The following PCDHGA5 variants were observed in gnomAD, a reference collection of about 807,000 sequenced individuals.
PCDHGA5 encodes the protein protocadherin gamma-A5.
In PCDHGA5, 36 loss-of-function variants were observed where a neutral mutation model predicts 56.7. That is an observed-to-expected ratio of 0.64 (90% CI 0.49 to 0.84). The LOEUF is 0.84. Among genes scored for constraint, PCDHGA5 ranks in the 40% least tolerant of loss-of-function variants. The probability of loss-of-function intolerance (pLI) is 0.00; values close to 1 mark genes in which losing one functional copy is unlikely to be tolerated. For synonymous variants in PCDHGA5, 563 were observed against 520.2 expected (o/e 1.08, Z -1.12); for missense variants, 1,305 against 1,201.5 (o/e 1.09, Z -1.27).
At chr5:141,403,334 G>T (rs2094392979) in intron 1 of PCDHGA5, 2 of 1,613,972 alleles carry the variant, frequency 1.2e-6, no homozygotes, top group Non-Finnish European at 1.7e-6. Flanking sequence ...TGATATTAAC[G>T]ACAGCGCCCC....
rs57426385 is a variant in PCDHGA5, at chr5:141,415,740, G to GTTTTTTTTTTTT, written c.2421+49010_2421+49021dup. 137 of 625,016 alleles carry GTTTTTTTTTTTT rather than the reference G, an allele frequency of 2.2e-4. 2 individuals carry two copies. The highest frequency in any genetic ancestry group is 3.5e-4 in the Admixed American group (5 of 14,120). The allele number at this position is 625,016 out of a possible 1,614,324, so 38.7% of individuals were successfully genotyped here. On this transcript the variant is annotated intron_variant, in intron 1 of 3. Coordinates refer to ENST00000518069, the MANE Select transcript of PCDHGA5 (RefSeq NM_018918.3). ...TGAGTAGAATTTGATGTTTATTAAG[G>GTTTTTTTTTTTT]TTTTTTTTTTTTTTTTTTTTTTTTT... is the stretch of plus-strand genomic sequence containing the variant.
intron 1 of PCDHGA5, chr5:141,370,765 A>G: frequency 1.2e-6 from 2 of 1,614,018 alleles, no homozygotes; most frequent in South Asian, 1.1e-5. Flanking sequence ...GTGCTGATCC[A>G]GGATATTAAC....
At chr5:141,376,845 C>A (rs993126177) in intron 1 of PCDHGA5, 21 of 242,440 alleles carry the variant, frequency 8.7e-5, no homozygotes, top group Admixed American at 3.1e-4. Context: ...CGCCACCGCG[C>A]CCGGCTAATT....
intron 1 of PCDHGA5, chr5:141,388,970 A>G (rs1561622326): frequency 6.2e-7 from 1 of 1,613,928 alleles, no homozygotes; most frequent in East Asian, 2.2e-5. Flanking sequence ...AGCTGGGAAC[A>G]CATATTGCTT....
rs774649069 is a variant in PCDHGA5 at position 141,477,417 on chromosome 5, C to G, written c.2422-17390C>G. The G allele has an allele frequency of 1.2e-6, 2 of 1,614,172 alleles. No individual in the cohort carries two copies. The highest frequency in any genetic ancestry group is 2.7e-5 in the African/African-American group (2 of 75,032). On this transcript the variant is annotated intron_variant, in intron 1 of 3. Coordinates refer to ENST00000518069, the MANE Select transcript of PCDHGA5 (RefSeq NM_018918.3). The surrounding 1 kb of genome is among the most constrained non-coding windows in gnomAD (Gnocchi z 4.9). Reference sequence around the variant, plus strand: ...AGCATCACCGCCCGAGACGCCGGAACCCCTTCCCTCTCAGCCCTTACAATA... The same window carrying G: ...AGCATCACCGCCCGAGACGCCGGAAGCCCTTCCCTCTCAGCCCTTACAATA...
chr5:141,414,752 A>G (rs1339630983), intron 1 of PCDHGA5: 9 of 1,614,110 alleles, frequency 5.6e-6, no homozygotes, highest in Non-Finnish European at 7.6e-6. Flanking sequence ...TCCTTCGACT[A>G]TGAGCAGTTT....
chr5:141,384,492 AG>A (rs746302959), intron 1 of PCDHGA5: 2 of 1,614,164 alleles, frequency 1.2e-6, no homozygotes, highest in East Asian at 4.5e-5. Context: ...TACAACTAAG[AG>A]TGACTGCACA....
At chr5:141,448,707 G>A (rs1455790773) in intron 1 of PCDHGA5, among the ~76,000 whole-genome samples, 4 of 152,228 alleles carry the variant, frequency 2.6e-5, no homozygotes, top group South Asian at 2.1e-4. Flanking sequence ...TTGGGAGGCC[G>A]AGGCGGGAGG....
chr5:141,488,793 C>G (rs1274193018), intron 1 of PCDHGA5, among the ~76,000 whole-genome samples: 1 of 152,172 alleles, frequency 6.6e-6, no homozygotes, highest in African/African-American at 2.4e-5. Context: ...TTTGTCTTCC[C>G]TGTTGAGTAC....
intron 1 of PCDHGA5, chr5:141,422,797 G>A (rs1037091316): frequency 2.5e-6 from 4 of 1,614,244 alleles, no homozygotes; most frequent in Non-Finnish European, 3.4e-6. Context: ...CTTCGACTAT[G>A]AGCAGTTTCG....
intron 1 of PCDHGA5, chr5:141,372,797 C>A (rs1216879551): frequency 3.1e-6 from 5 of 1,597,434 alleles, no homozygotes; most frequent in Non-Finnish European, 3.4e-6. Context: ...CTAATTCAGG[C>A]AATTTGCAAA....
rs773127033 is a variant in PCDHGA5 at position 141,365,541 on chromosome 5, T to C, written c.1211T>C (p.Leu404Pro). The change falls in exon 1 of 4, where the codon CTA becomes CCA. Residue 404 changes from leucine (L) to proline (P), a missense_variant. By Grantham distance (98) the Leu-to-Pro change is moderately conservative (BLOSUM62 -3). Transcript: ENST00000518069. Reference sequence around the variant, plus strand: ...AAGTCAGTTGATAATTACTATCACCTATTAACAACTAGGGACCTGGACAGA... The same window carrying C: ...AAGTCAGTTGATAATTACTATCACCCATTAACAACTAGGGACCTGGACAGA... The part of the protein sequence containing the change: ...LEKSVDNYYH[L>P]LTTRDLDREE... 3 of 1,613,728 alleles carry C rather than the reference T, an allele frequency of 1.9e-6. No individual in the cohort carries two copies. In the African/African-American group the frequency reaches 4.0e-5, roughly 22 times the overall value.
intron 1 of PCDHGA5, chr5:141,403,389 C>T (rs764725441): frequency 1.2e-6 from 2 of 1,614,050 alleles, no homozygotes; most frequent in South Asian, 1.1e-5. Context: ...AACGAAATCG[C>T]GGTTCCTGGA....
chr5:141,395,218 A>G, intron 1 of PCDHGA5: 2 of 1,612,142 alleles, frequency 1.2e-6, no homozygotes, highest in Non-Finnish European at 1.7e-6. Flanking sequence ...GAATATAAGA[A>G]TGAAGCTGAT....
Position 141,489,524 on chromosome 5 carries a change from T to TA in PCDHGA5, c.2422-5282dup. Reference sequence around the variant, plus strand: ...AATCAAAAGATTGACCGAGAAAGCCTATGTGGAGCCAGCACCAGCTGCCTG... The same window carrying TA: ...AATCAAAAGATTGACCGAGAAAGCCTAATGTGGAGCCAGCACCAGCTGCCTG... On this transcript the variant is annotated intron_variant, in intron 1 of 3. Transcript: ENST00000518069. This position sits in a 1 kb window ranked among gnomAD's most constrained non-coding sequence, Gnocchi z 4.5. 6.2e-7 allele frequency: 1 copy of TA among 1,614,076 alleles called. No homozygotes were observed. Among genetic ancestry groups the TA allele is most frequent in the Non-Finnish European group, 8.5e-7 (1 of 1,180,010 alleles).
At chr5:141,371,131 T>C (rs746254566) in intron 1 of PCDHGA5, 1 of 1,614,004 alleles carries the variant, frequency 6.2e-7, no homozygotes, top group South Asian at 1.1e-5. Flanking sequence ...ACTCAGGACA[T>C]GTACAGGGTC....
At chr5:141,383,175 G>A in intron 1 of PCDHGA5, 1 of 1,614,114 alleles carries the variant, frequency 6.2e-7, no homozygotes, top group Non-Finnish European at 8.5e-7. Flanking sequence ...GGATAGACCG[G>A]GAAGAGATCT....
intron 1 of PCDHGA5, chr5:141,372,361 C>T (rs1227917364): frequency 1.2e-6 from 2 of 1,613,834 alleles, no homozygotes; most frequent in Admixed American, 3.3e-5. Flanking sequence ...CCTCTTTCAG[C>T]CACCGTCATG....
Position 141,432,917 on chromosome 5 carries a change from C to A in PCDHGA5, c.2422-61890C>A. 6.2e-7 allele frequency: 1 copy of A among 1,614,166 alleles called. No homozygotes were observed. Among genetic ancestry groups the A allele is most frequent in the South Asian group, 1.1e-5 (1 of 91,086 alleles). On this transcript the variant is annotated intron_variant, in intron 1 of 3. Transcript: ENST00000518069. This position sits in a 1 kb window ranked among gnomAD's most constrained non-coding sequence, Gnocchi z 6.0. The stretch of plus-strand genomic sequence containing the variant: ...GCTGGCGCTCAGGCTGCGGCGCTGG[C>A]ACAAGTCACGCCTGCTGCAGGCTTC...
Sources: gnomAD v4.1 joint callset for allele counts (sites outside exome capture counted in the v4.1 genomes callset) on GRCh38, gnomAD v4.1.1 for gene constraint, Gnocchi (gnomAD v3.1) non-coding constraint, MANE v1.5 for transcripts, NCBI Gene and HGNC (gene_info 2026-07-23, HGNC 2026-07-21) for gene names.